UGT1A10: variants seen among roughly 807,000 people sequenced by gnomAD.
UGT1A10 encodes UDP-glucuronosyltransferase 1A10.
Under a neutral mutation model 45.8 loss-of-function variants are expected in UGT1A10, and 49 were observed. The ratio of observed to expected loss-of-function variants is 1.07; its 90% CI spans 0.85 to 1.36. The LOEUF (loss-of-function observed/expected upper bound fraction) is 1.36, where lower values mean the gene tolerates loss of function less well. UGT1A10 is among the 40% of genes most tolerant of loss of function. UGT1A10 has a pLI of 0.00. For synonymous variants in UGT1A10, 284 were observed against 249.7 expected (o/e 1.14, Z -1.29); for missense variants, 745 against 668.6 (o/e 1.11, Z -1.26).
intron 1 of UGT1A10, among the ~76,000 whole-genome samples, chr2:233,669,482 T>C (rs1194082451): frequency 1.3e-5 from 2 of 152,214 alleles, no homozygotes; most frequent in Admixed American, 1.3e-4. Flanking sequence ...ACCAATGTTT[T>C]GTTGTTTTCA....
chr2:233,760,878 C>T (rs1697595439), intron 1 of UGT1A10: 1 of 1,614,062 alleles, frequency 6.2e-7, no homozygotes, highest in Admixed American at 1.7e-5. Context: ...CCAGGCCTCT[C>T]TCCTCTCATT....
intron 1 of UGT1A10, among the ~76,000 whole-genome samples, chr2:233,709,390 A>G (rs2125615380): frequency 6.6e-6 from 1 of 152,282 alleles, no homozygotes; most frequent in East Asian, 1.9e-4. Flanking sequence ...ATTTCTTTTA[A>G]TAATCTATGG....
At chr2:233,693,758 G>C in intron 1 of UGT1A10, 2 of 1,614,234 alleles carry the variant, frequency 1.2e-6, no homozygotes, top group Non-Finnish European at 1.7e-6. Context: ...GAAGGTCTCT[G>C]TTTGGCTGTT....
chr2:233,674,423 C>G (rs1160534286), intron 1 of UGT1A10, among the ~76,000 whole-genome samples: 1 of 152,144 alleles, frequency 6.6e-6, no homozygotes, highest in Non-Finnish European at 1.5e-5. Context: ...ATTGTAGTAA[C>G]AGGCACCACT....
intron 1 of UGT1A10, among the ~76,000 whole-genome samples, chr2:233,673,274 A>G (rs7349250): frequency 0.079 from 12,053 of 152,234 alleles, 788 homozygotes; most frequent in East Asian, 0.18. Flanking sequence ...ACTTGCCAAT[A>G]AATTATAAAT....
chr2:233,735,427 T>C (rs2078650919), intron 1 of UGT1A10, among the ~76,000 whole-genome samples: 1 of 152,212 alleles, frequency 6.6e-6, no homozygotes, highest in Non-Finnish European at 1.5e-5. Context: ...ATAGGCCTCC[T>C]GAATACAGCA....
chr2:233,710,242 G>A (rs2076122123), intron 1 of UGT1A10, among the ~76,000 whole-genome samples: 2 of 152,288 alleles, frequency 1.3e-5, no homozygotes, highest in South Asian at 2.1e-4. Context: ...ATTCGAGTAC[G>A]AGTGTTTCTG....
intron 1 of UGT1A10, among the ~76,000 whole-genome samples, chr2:233,731,303 T>C (rs2078137906): frequency 6.6e-6 from 1 of 151,406 alleles, no homozygotes; most frequent in Non-Finnish European, 1.5e-5. Context: ...TTTTTTATTA[T>C]ACTTTAAGTT....
chr2:233,637,524 T>C, intron 1 of UGT1A10, 147 bp downstream of exon 1: 1 of 1,408,590 alleles, frequency 7.1e-7, no homozygotes, highest in South Asian at 1.7e-5. Context: ...CGAATTCATG[T>C]ACTCATCAAT....
chr2:233,694,012 A>G lies in UGT1A10; in HGVS notation c.855+56635A>G, dbSNP rs370450750. On this transcript the variant is annotated intron_variant, in intron 1 of 4. Coordinates refer to ENST00000344644, the MANE Select transcript of UGT1A10 (RefSeq NM_019075.4). The stretch of plus-strand genomic sequence containing the variant: ...TGATACCCGGCTCGGAGCAGCGGGA[A>G]CACATAGGAGACCTGAGGCTGAAGT... 2.5e-5 allele frequency: 35 copies of G among 1,424,192 alleles called. No homozygotes were observed. The African/African-American group carries it at 5.0e-4, about 20-fold the overall frequency. The allele number at this position is 1,424,192 out of a possible 1,614,324, so 88.2% of individuals were successfully genotyped here. A position where few individuals can be genotyped will look rare whatever the true frequency, so the allele number is the denominator to read the frequency against.
intron 1 of UGT1A10, among the ~76,000 whole-genome samples, chr2:233,725,499 G>A (rs1219431340): frequency 6.6e-6 from 1 of 151,906 alleles, no homozygotes; most frequent in African/African-American, 2.4e-5. Flanking sequence ...AGAAACCACT[G>A]AAATTAATTT....
At chr2:233,651,958 C>G (rs2073753683) in intron 1 of UGT1A10, among the ~76,000 whole-genome samples, 1 of 151,858 alleles carries the variant, frequency 6.6e-6, no homozygotes, top group African/African-American at 2.4e-5. Flanking sequence ...GATAGCAGAT[C>G]ATCATTCAAG....
chr2:233,719,356 A>C, intron 1 of UGT1A10: 1 of 1,613,848 alleles, frequency 6.2e-7, no homozygotes, highest in Non-Finnish European at 8.5e-7. Context: ...ATTCCATGTG[A>C]CTTAGACTTT....
intron 1 of UGT1A10, among the ~76,000 whole-genome samples, chr2:233,724,747 C>T (rs1469881894): frequency 7.0e-6 from 1 of 143,144 alleles, no homozygotes; most frequent in Admixed American, 7.0e-5. Context: ...TCCTCACATC[C>T]CAGACGATGG....
At chr2:233,755,243 T>G (rs1026667908) in intron 1 of UGT1A10, 19 of 851,916 alleles carry the variant, frequency 2.2e-5, no homozygotes, top group African/African-American at 5.1e-5. Flanking sequence ...ACCGGGGTAC[T>G]CCCAGCACCT....
In UGT1A10 at chr2:233,768,425, C is replaced by T. The variant is rs1021872145; in HGVS notation, c.1281C>T (p.Val427=). Residue 427 remains valine, a synonymous_variant, in exon 4 of 5, where the codon GTC becomes GTT. Transcript: ENST00000344644. The part of the protein sequence containing the change: ...SEDLENALKA[V]INDKSYKENI... ...ATTTAGAAAATGCTCTAAAAGCAGT[C>T]ATCAATGACAAAAGGTAAGAAAGAA... 1.2e-6 allele frequency: 2 copies of T among 1,613,876 alleles called. No homozygotes were observed. The highest frequency in any genetic ancestry group is 1.7e-5 in the Admixed American group (1 of 59,984).
chr2:233,730,870 C>G (rs1312023750), intron 1 of UGT1A10, among the ~76,000 whole-genome samples: 2 of 152,146 alleles, frequency 1.3e-5, no homozygotes, highest in Admixed American at 1.3e-4. Context: ...CTACTGCACT[C>G]CAGGTTTCTA....
intron 1 of UGT1A10, among the ~76,000 whole-genome samples, chr2:233,667,781 AT>A (rs1442473144): frequency 6.6e-6 from 1 of 152,242 alleles, no homozygotes; most frequent in African/African-American, 2.4e-5. Flanking sequence ...ACATGAAAAA[AT>A]GCTCATCATC....
rs373150809 is a variant in UGT1A10, at chr2:233,672,158, A to G, written c.855+34781A>G. 1.4e-5 allele frequency: 22 copies of G among 1,614,080 alleles called. No homozygotes were observed. The highest frequency in any genetic ancestry group is 8.9e-5 in the East Asian group (4 of 44,902). Reference sequence around the variant, plus strand: ...GGAAGATCACTGAATTGCACAGTGAAGACTTATTCAACTTCATATACCCTG... The same window carrying G: ...GGAAGATCACTGAATTGCACAGTGAGGACTTATTCAACTTCATATACCCTG... On this transcript the variant is annotated intron_variant, in intron 1 of 4. Transcript: ENST00000344644.
Sources: gnomAD v4.1 joint callset for allele counts (sites outside exome capture counted in the v4.1 genomes callset) on GRCh38, gnomAD v4.1.1 for gene constraint, MANE v1.5 for transcripts, NCBI Gene and HGNC (gene_info 2026-07-23, HGNC 2026-07-21) for gene names.